The following ABCA12 variants were observed in gnomAD, a reference collection of about 807,000 sequenced individuals.
ABCA12 encodes glucosylceramide transporter ABCA12.
In ABCA12, 156 loss-of-function variants were observed where a neutral mutation model predicts 293.5. The observed-to-expected ratio is 0.53, with a 90% CI of 0.47 to 0.61. ABCA12 has a LOEUF of 0.61. ABCA12 is among the 20% of genes least tolerant of loss of function. The pLI, the probability that ABCA12 is intolerant of heterozygous loss-of-function variation, is 0.00. For synonymous variants in ABCA12, 1,063 were observed against 1,108.0 expected (o/e 0.96, Z 0.81); for missense variants, 2,797 against 3,090.2 (o/e 0.91, Z 2.25).
chr2:215,000,608 G>T, intron 22 of ABCA12, 97 bp downstream of exon 22: 1 of 1,433,488 alleles, frequency 7.0e-7, no homozygotes, highest in Non-Finnish European at 9.7e-7. Flanking sequence ...TTTGGTGAAT[G>T]TTGTTCCTTT....
intron 22 of ABCA12, among the ~76,000 whole-genome samples, chr2:215,000,260 T>C (rs916462368): frequency 6.6e-6 from 1 of 152,082 alleles, no homozygotes; most frequent in Non-Finnish European, 1.5e-5. Context: ...TCAAGGTTTC[T>C]TTTATCAATT....
chr2:214,979,260 A>C, intron 31 of ABCA12, among the ~76,000 whole-genome samples: 1 of 151,430 alleles, frequency 6.6e-6, no homozygotes, highest in African/African-American at 2.4e-5. Context: ...CCTCCCTCTC[A>C]TTTGCTCTAC....
At chr2:215,011,946 G>A (rs1700386092) in intron 16 of ABCA12, 25 bp downstream of exon 16, 5 of 1,603,740 alleles carry the variant, frequency 3.1e-6, no homozygotes, top group Non-Finnish European at 4.3e-6. Flanking sequence ...TTTTCAACAA[G>A]AACATTACTG....
intron 7 of ABCA12, among the ~76,000 whole-genome samples, chr2:215,038,264 T>G (rs967459978): frequency 3.3e-5 from 5 of 152,164 alleles, no homozygotes; most frequent in African/African-American, 4.8e-5. Context: ...TAAAATCTAT[T>G]TATTTGTCCA....
chr2:215,032,205 G>T, intron 8 of ABCA12: 2 of 813,538 alleles, frequency 2.5e-6, no homozygotes, highest in Non-Finnish European at 1.7e-6. Flanking sequence ...GCAGATGACT[G>T]CTAAGTACTA....
chr2:214,934,933 C>T (rs1182219047), intron 51 of ABCA12, among the ~76,000 whole-genome samples: 1 of 152,186 alleles, frequency 6.6e-6, no homozygotes, highest in African/African-American at 2.4e-5. Context: ...ATCTTAGTTA[C>T]TGCAACAGCC....
At chr2:215,067,238 T>C (rs900947728) in intron 2 of ABCA12, among the ~76,000 whole-genome samples, 7 of 152,084 alleles carry the variant, frequency 4.6e-5, no homozygotes, top group Admixed American at 6.6e-5. Context: ...TACATTCCCC[T>C]TTAAGTTCCC....
In ABCA12 at chr2:214,975,804, C is replaced by T. The variant is rs758326051; in HGVS notation, c.5362G>A (p.Glu1788Lys). The change falls in exon 34 of 53, where the codon GAA becomes AAA. Residue 1788 changes from glutamate to lysine, a missense_variant. By Grantham distance (56) the Glu-to-Lys change is moderately conservative. This residue lies in a region of ABCA12 where 2,130 missense variants were observed against 2,427.0 expected (regional missense o/e 0.88). Coordinates refer to ENST00000272895, the MANE Select transcript of ABCA12 (RefSeq NM_173076.3). ...QISPSLYGTS[E>K]QTAFYANYHP... Reference sequence around the variant, plus strand: ...ACTTACGCATAGAAGGCTGTCTGTTCGGAGGTACCATAAAGAGAGGGGGAG... The same window carrying T: ...ACTTACGCATAGAAGGCTGTCTGTTTGGAGGTACCATAAAGAGAGGGGGAG... The T allele has an allele frequency of 7.4e-6, 12 of 1,614,014 alleles. No individual in the cohort carries two copies. Among genetic ancestry groups the T allele is most frequent in the South Asian group, 3.3e-5 (3 of 91,072 alleles).
intron 2 of ABCA12, among the ~76,000 whole-genome samples, chr2:215,070,498 AG>A (rs1257331488): frequency 2.6e-5 from 4 of 151,240 alleles, no homozygotes; most frequent in Admixed American, 2.0e-4. Flanking sequence ...TCAGTCATTT[AG>A]CATTAGGTAT....
At chr2:214,989,709 A>G in intron 24 of ABCA12, 88 bp from the exon 25 acceptor site, 1 of 1,366,878 alleles carries the variant, frequency 7.3e-7, no homozygotes. Context: ...AACTTTGGAC[A>G]TTTGTATAGA....
intron 1 of ABCA12, among the ~76,000 whole-genome samples, chr2:215,137,363 C>G (rs1016066726): frequency 6.6e-6 from 1 of 152,074 alleles, no homozygotes; most frequent in African/African-American, 2.4e-5. Flanking sequence ...TATTGAATAC[C>G]TTTTTGGATT....
chr2:215,037,706 A>C (rs1371559340), intron 7 of ABCA12, among the ~76,000 whole-genome samples: 1 of 152,200 alleles, frequency 6.6e-6, no homozygotes, highest in East Asian at 1.9e-4. Context: ...AGAAAATCAG[A>C]AAATTCAGTT....
chr2:214,948,255 T>C (rs1431128851), intron 47 of ABCA12, among the ~76,000 whole-genome samples: 2 of 152,214 alleles, frequency 1.3e-5, no homozygotes, highest in African/African-American at 4.8e-5. Flanking sequence ...GTGTCAGTGC[T>C]AATCCAAACA....
intron 2 of ABCA12, among the ~76,000 whole-genome samples, chr2:215,094,723 G>T (rs546671922): frequency 3.3e-5 from 5 of 152,214 alleles, no homozygotes; most frequent in African/African-American, 1.2e-4. Context: ...GCAGTGAAAG[G>T]TTACTCATAG....
chr2:214,972,875 C>A (rs1389504290), intron 36 of ABCA12, among the ~76,000 whole-genome samples: 2 of 152,088 alleles, frequency 1.3e-5, no homozygotes, highest in Non-Finnish European at 2.9e-5. Context: ...TCCACCCAGG[C>A]TGGAGTGCAG....
intron 49 of ABCA12, among the ~76,000 whole-genome samples, chr2:214,944,043 C>G (rs1559104731): frequency 6.6e-6 from 1 of 152,128 alleles, no homozygotes; most frequent in Non-Finnish European, 1.5e-5. Context: ...TTGGAAGTGT[C>G]TGCTTTGTGG....
intron 39 of ABCA12, chr2:214,962,512 T>C (rs558094743): frequency 6.6e-6 from 1 of 152,108 alleles, no homozygotes; most frequent in African/African-American, 2.4e-5. Flanking sequence ...AAGTTTTGTC[T>C]TTCAGAAAAT....
intron 2 of ABCA12, among the ~76,000 whole-genome samples, chr2:215,066,097 C>T (rs1346334462): frequency 2.0e-5 from 3 of 152,126 alleles, no homozygotes; most frequent in Non-Finnish European, 4.4e-5. Flanking sequence ...CGCCTGTTAG[C>T]TTTTCATGTC....
intron 8 of ABCA12, among the ~76,000 whole-genome samples, chr2:215,032,891 G>C (rs1700910237): frequency 6.6e-6 from 1 of 152,040 alleles, no homozygotes. Context: ...CTTCTAAAAA[G>C]GTACTAGCAC....
Sources: gnomAD v4.1 joint callset for allele counts (sites outside exome capture counted in the v4.1 genomes callset) on GRCh38, gnomAD v4.1.1 for gene constraint, gnomAD v4.1.1 regional missense constraint, MANE v1.5 for transcripts, NCBI Gene and HGNC (gene_info 2026-07-23, HGNC 2026-07-21) for gene names.